The following ADARB2 variants were observed in gnomAD, a reference collection of about 807,000 sequenced individuals.
ADARB2 encodes inactive double-stranded RNA-specific editase B2.
A neutral mutation model predicts 62.2 loss-of-function variants in ADARB2; 25 were observed. The observed-to-expected ratio is 0.40, with a 90% CI of 0.29 to 0.56. The LOEUF (loss-of-function observed/expected upper bound fraction) is 0.56. Among genes scored for constraint, ADARB2 ranks in the 20% least tolerant of loss-of-function variants. ADARB2 has a pLI of 0.43. For synonymous variants in ADARB2, 572 were observed against 500.8 expected, an observed-to-expected ratio of 1.14 and a Z score of -1.90; for missense variants, 1,071 against 1,077.4, an observed-to-expected ratio of 0.99 and a Z score of 0.08.
At chr10:1,606,216 A>G (rs892031013) in intron 1 of ADARB2, among the ~76,000 whole-genome samples, 3 of 152,130 alleles carry the variant, frequency 2.0e-5, no homozygotes, top group Non-Finnish European at 4.4e-5. Context: ...CTGGGGGCCT[A>G]CAGTCTTCAC....
chr10:1,267,830 G>T (rs188998415), intron 4 of ADARB2, among the ~76,000 whole-genome samples: 2 of 152,284 alleles, frequency 1.3e-5, no homozygotes, highest in African/African-American at 4.8e-5. Context: ...GTTCTGCTTG[G>T]CTCTGTAGTG....
At chr10:1,292,441 T>G (rs1831474992) in intron 3 of ADARB2, 1 of 152,260 alleles carries the variant, frequency 6.6e-6, no homozygotes, top group Admixed American at 6.5e-5. Flanking sequence ...GAGGCCCTTC[T>G]CTACTGAGTG....
intron 1 of ADARB2, among the ~76,000 whole-genome samples, chr10:1,439,571 A>G (rs1212701995): frequency 1.2e-4 from 10 of 86,068 alleles, no homozygotes; most frequent in African/African-American, 1.3e-4. Flanking sequence ...GTCCTTCACT[A>G]TGGGGCTCCT....
intron 7 of ADARB2, among the ~76,000 whole-genome samples, chr10:1,209,539 CCACACCCA>C (rs1837119137): frequency 5.5e-5 from 2 of 36,244 alleles, no homozygotes; most frequent in Non-Finnish European, 1.9e-4. Context: ...ACAGCCTCGC[CCACACCCA>C]TGCCATCACC....
chr10:1,409,587 T>A (rs1564282217), intron 1 of ADARB2, among the ~76,000 whole-genome samples: 2 of 129,656 alleles, frequency 1.5e-5, no homozygotes, highest in African/African-American at 6.1e-5. Context: ...GGATTCTCAG[T>A]GTGCCGAGGC....
chr10:1,587,266 G>C (rs539093235), intron 1 of ADARB2, among the ~76,000 whole-genome samples: 1 of 152,208 alleles, frequency 6.6e-6, no homozygotes, highest in South Asian at 2.1e-4. Context: ...GAAGGCTCCA[G>C]AGATGTAAGT....
At chr10:1,553,689 G>A (rs573964029) in intron 1 of ADARB2, among the ~76,000 whole-genome samples, 158 of 152,286 alleles carry the variant, frequency 1.0e-3, no homozygotes, top group Non-Finnish European at 2.0e-3. Flanking sequence ...CTACCCAGAA[G>A]CCTAAAAATA....
rs59391061 is a variant in ADARB2, at chr10:1,658,001, GTCTC to G, written c.100+79046_100+79049del. ...TCTCAGTCTCTCTCTCTCTTTCTGT[GTCTC>G]TCTGTCTCTTATCTGATCCTGTGTG... On this transcript the variant is annotated intron_variant, in intron 1 of 9. Coordinates refer to ENST00000381312, the MANE Select transcript of ADARB2 (RefSeq NM_018702.4). Among the ~76,000 whole-genome samples, 1,025 of 150,996 alleles carry G rather than the reference GTCTC, an allele frequency of 6.8e-3. 31 individuals carry two copies. In the East Asian group the frequency reaches 0.1, roughly 15 times the overall value.
chr10:1,444,468 C>A (rs1483978780), intron 1 of ADARB2, among the ~76,000 whole-genome samples: 7 of 149,342 alleles, frequency 4.7e-5, no homozygotes, highest in Non-Finnish European at 1.0e-4. Flanking sequence ...TATCTACATT[C>A]TCCTTCCATC....
chr10:1,190,479 G>A (rs952430880), intron 8 of ADARB2, among the ~76,000 whole-genome samples: 2 of 152,202 alleles, frequency 1.3e-5, no homozygotes, highest in Non-Finnish European at 2.9e-5. Context: ...TTTGTTTTAG[G>A]TGATTGCTGT....
At chr10:1,628,806 C>T (rs746092785) in intron 1 of ADARB2, among the ~76,000 whole-genome samples, 6 of 152,246 alleles carry the variant, frequency 3.9e-5, no homozygotes, top group Non-Finnish European at 8.8e-5. Flanking sequence ...AAACCAGTCC[C>T]GCCATTTGCT....
chr10:1,196,025 T>C (rs985561296), intron 8 of ADARB2, among the ~76,000 whole-genome samples: 2 of 152,058 alleles, frequency 1.3e-5, no homozygotes, highest in African/African-American at 4.8e-5. Flanking sequence ...TGCCTCTCTC[T>C]CCCGTCCGCT....
chr10:1,322,877 T>C (rs571423972), intron 3 of ADARB2, among the ~76,000 whole-genome samples: 1 of 152,340 alleles, frequency 6.6e-6, no homozygotes, highest in Non-Finnish European at 1.5e-5. Flanking sequence ...CTCTTTTTCA[T>C]GATGTACATA....
chr10:1,591,709 C>A (rs1479152004), intron 1 of ADARB2, among the ~76,000 whole-genome samples: 2 of 152,134 alleles, frequency 1.3e-5, no homozygotes, highest in Non-Finnish European at 2.9e-5. Flanking sequence ...CCCCACCTGC[C>A]GCCGTCTTGT....
intron 1 of ADARB2, among the ~76,000 whole-genome samples, chr10:1,719,429 A>G (rs12248557): frequency 0.1 from 15,445 of 152,296 alleles, 1,342 homozygotes; most frequent in African/African-American, 0.23. Context: ...TCTAAATTGA[A>G]TATATGATAT....
chr10:1,200,044 C>G lies in ADARB2; in HGVS notation c.1786G>C (p.Ala596Pro). ...TCCATGCGGTGGCTCATGACGCGTGCGAGGTGGCCCGTGTGGTGCAGGCTG... is the reference window on the plus strand; with the variant it reads ...TCCATGCGGTGGCTCATGACGCGTGGGAGGTGGCCCGTGTGGTGCAGGCTG... ...VGSLHHTGHL[A>P]RVMSHRMEGV... Residue 596 changes from alanine (A) to proline (P), a missense_variant, in exon 8 of 10, where the codon GCA (alanine) becomes CCA (proline). Coordinates refer to ENST00000381312, the MANE Select transcript of ADARB2 (RefSeq NM_018702.4). The G allele has an allele frequency of 6.3e-7, 1 of 1,594,948 alleles. No individual in the cohort carries two copies. Among genetic ancestry groups the G allele is most frequent in the South Asian group, 1.1e-5 (1 of 88,572 alleles).
At chr10:1,507,892 T>C (rs1365452540) in intron 1 of ADARB2, among the ~76,000 whole-genome samples, 4 of 152,138 alleles carry the variant, frequency 2.6e-5, no homozygotes, top group African/African-American at 9.7e-5. Context: ...TTCTCCAGGG[T>C]GGGACAGGCA....
At chr10:1,219,464 C>G (rs1005747632) in intron 6 of ADARB2, among the ~76,000 whole-genome samples, 1 of 152,168 alleles carries the variant, frequency 6.6e-6, no homozygotes, top group African/African-American at 2.4e-5. Flanking sequence ...GAGAAAAAAC[C>G]CTTTGAGAGG....
chr10:1,418,539 A>G (rs1317703515), intron 1 of ADARB2, among the ~76,000 whole-genome samples: 1 of 152,186 alleles, frequency 6.6e-6, no homozygotes, highest in Non-Finnish European at 1.5e-5. Context: ...CCAACAAAAT[A>G]ATTGGAATGG....
Sources: gnomAD v4.1 joint callset for allele counts (sites outside exome capture counted in the v4.1 genomes callset) on GRCh38, gnomAD v4.1.1 for gene constraint, MANE v1.5 for transcripts, NCBI Gene and HGNC (gene_info 2026-07-23, HGNC 2026-07-21) for gene names.